The following AGAP1 variants were observed in gnomAD, a reference collection of about 807,000 sequenced individuals.
The protein encoded by AGAP1 is ArfGAP with GTPase domain, ankyrin repeat and PH domain 1, also known as arf-GAP with GTPase, ANK repeat and PH domain-containing protein 1.
Under a neutral mutation model 105.3 loss-of-function variants are expected in AGAP1, and 29 were observed. The ratio of observed to expected loss-of-function variants is 0.28; its 90% CI spans 0.21 to 0.38. The LOEUF (loss-of-function observed/expected upper bound fraction) is 0.38, where lower values mean the gene tolerates loss of function less well. Among genes scored for constraint, AGAP1 ranks in the 10% least tolerant of loss-of-function variants. The probability of loss-of-function intolerance (pLI) is 1.00; values close to 1 mark genes in which losing one functional copy is unlikely to be tolerated. For missense variants in AGAP1, 998 were observed against 1,165.1 expected, an observed-to-expected ratio of 0.86 and a Z score of 2.09; for synonymous variants, 509 against 485.9, an observed-to-expected ratio of 1.05 and a Z score of -0.63.
intron 6 of AGAP1, among the ~76,000 whole-genome samples, chr2:235,762,478 G>A (rs1020349366): frequency 5.9e-5 from 9 of 152,186 alleles, no homozygotes; most frequent in African/African-American, 9.7e-5. Context: ...TCATCGAAGC[G>A]TTGTGACGAG....
At chr2:235,928,603 C>T (rs2052567187) in intron 11 of AGAP1, among the ~76,000 whole-genome samples, 1 of 152,250 alleles carries the variant, frequency 6.6e-6, no homozygotes, top group Non-Finnish European at 1.5e-5. Context: ...GAGAGCAGGG[C>T]GGAGAAGGGA....
rs777204816 is a variant in AGAP1, at chr2:235,930,846, A to C, written c.1406A>C (p.His469Pro). 1 of 1,614,038 alleles carries C rather than the reference A, an allele frequency of 6.2e-7. No homozygotes were observed. Among genetic ancestry groups the C allele is most frequent in the Admixed American group, 1.7e-5 (1 of 60,006 alleles). Reference sequence around the variant, plus strand: ...TTCAACAGCCGACCCGACGGCATGCACCAGCGCTCCTACTCAGTCTCCAGT... The same window carrying C: ...TTCAACAGCCGACCCGACGGCATGCCCCAGCGCTCCTACTCAGTCTCCAGT... ...VSFNSRPDGM[H>P]QRSYSVSSAD... The change falls in exon 12 of 18, where the codon CAC becomes CCC. Residue 469 changes from histidine to proline, a missense_variant. His to Pro is a moderately conservative substitution (Grantham distance 77). Transcript: ENST00000304032. The surrounding 1 kb of genome is among the most constrained non-coding windows in gnomAD (Gnocchi z 7.9).
Position 235,708,874 on chromosome 2 carries a change from C to T in AGAP1, c.164-305C>T, listed in dbSNP as rs113677128. On this transcript the variant is annotated intron_variant, in intron 1 of 17. Transcript: ENST00000304032. Reference sequence around the variant, plus strand: ...ACAGTCAGGAGGGTCTGAAGATACACGCTCCACTGAAGGGCTGTGGCTTTA... The same window carrying T: ...ACAGTCAGGAGGGTCTGAAGATACATGCTCCACTGAAGGGCTGTGGCTTTA... Among the ~76,000 whole-genome samples, 562 of 152,320 alleles carry T rather than the reference C, an allele frequency of 3.7e-3. 9 individuals are homozygous for T. Among genetic ancestry groups the T allele is most frequent in the African/African-American group, 0.013 (541 of 41,572 alleles).
chr2:235,660,733 A>T lies in AGAP1; in HGVS notation c.164-48446A>T, dbSNP rs1947920203. Reference sequence around the variant, plus strand: ...GTGTGTTTAGATGGGGAATCTTGGGATGCAATAGAAACAACCTCTGTTGGT... The same window carrying T: ...GTGTGTTTAGATGGGGAATCTTGGGTTGCAATAGAAACAACCTCTGTTGGT... On this transcript the variant is annotated intron_variant, in intron 1 of 17. Coordinates refer to ENST00000304032, the MANE Select transcript of AGAP1 (RefSeq NM_001037131.3). The surrounding 1 kb of genome is among the most constrained non-coding windows in gnomAD (Gnocchi z 5.3). Among the ~76,000 whole-genome samples, 1 of 152,144 alleles carries T rather than the reference A, an allele frequency of 6.6e-6. No homozygotes were observed. Among genetic ancestry groups the T allele is most frequent in the South Asian group, 2.1e-4 (1 of 4,828 alleles).
intron 6 of AGAP1, chr2:235,774,544 T>C (rs1405374549): frequency 3.1e-6 from 1 of 326,136 alleles, no homozygotes; most frequent in Non-Finnish European, 6.2e-6. Flanking sequence ...AGGAAAGCGA[T>C]CAAGGACTGA....
chr2:236,077,136 A>AT (rs1309896544), intron 16 of AGAP1, among the ~76,000 whole-genome samples: 15 of 144,376 alleles, frequency 1.0e-4, no homozygotes, highest in African/African-American at 3.4e-4. Context: ...GAAAAAAAAA[A>AT]AAAAAAATAT....
intron 13 of AGAP1, among the ~76,000 whole-genome samples, chr2:236,006,151 C>G (rs1346164568): frequency 7.2e-6 from 1 of 139,386 alleles, no homozygotes; most frequent in Non-Finnish European, 1.7e-5. Context: ...CTGCTGTGGC[C>G]CAGATTATTC....
intron 1 of AGAP1, among the ~76,000 whole-genome samples, chr2:235,560,484 G>T (rs896379331): frequency 2.6e-5 from 4 of 152,088 alleles, no homozygotes; most frequent in African/African-American, 9.7e-5. Context: ...GGGACTTTAC[G>T]GATGTGATTA....
chr2:235,847,808 C>A (rs1252423170), intron 9 of AGAP1, among the ~76,000 whole-genome samples: 1 of 152,204 alleles, frequency 6.6e-6, no homozygotes, highest in Admixed American at 6.5e-5. Flanking sequence ...GCTCCGTTTT[C>A]CGTTTCTTGA....
chr2:235,688,116 G>A (rs1949558233), intron 1 of AGAP1, among the ~76,000 whole-genome samples: 1 of 152,024 alleles, frequency 6.6e-6, no homozygotes, highest in African/African-American at 2.4e-5. Context: ...TGGCCAGGCT[G>A]GTCTCAAAGT....
chr2:235,709,201 A>G lies in AGAP1; in HGVS notation c.186A>G (p.Glu62=), dbSNP rs1433221060. The change falls in exon 2 of 18, where the codon GAA becomes GAG. Residue 62 remains glutamate (E), a synonymous_variant. Transcript: ENST00000304032. ...AIEDAFVNSQ[E]WTLSRSVPEL... is the part of the protein sequence containing the mutation. ...CAGATGCCTTCGTGAACAGCCAGGA[A>G]TGGACGCTGAGTCGATCTGTCCCGG... 1.2e-6 allele frequency: 2 copies of G among 1,614,092 alleles called. No individual in the cohort carries two copies. The highest frequency in any genetic ancestry group is 1.7e-6 in the Non-Finnish European group (2 of 1,180,018).
At position 235,550,580 on chromosome 2, in the gene AGAP1, G is replaced by A. The variant is rs947247786; in HGVS notation, c.163+55731G>A. ...GAGTTGATGAGGGTCTGCAGGCGTC[G>A]GTCTGGGAGCCACAGACAGGTGTGT... On this transcript the variant is annotated intron_variant, in intron 1 of 17. Coordinates refer to ENST00000304032, the MANE Select transcript of AGAP1 (RefSeq NM_001037131.3). This position sits in a 1 kb window ranked among gnomAD's most constrained non-coding sequence, Gnocchi z 4.6. 1.3e-5 allele frequency among the ~76,000 whole-genome samples: 2 copies of A among 152,136 alleles called. No homozygotes were observed. The highest frequency in any genetic ancestry group is 2.1e-4 in the South Asian group (1 of 4,824).
chr2:235,686,376 A>G (rs931568231), intron 1 of AGAP1, among the ~76,000 whole-genome samples: 10 of 151,914 alleles, frequency 6.6e-5, no homozygotes, highest in South Asian at 2.1e-4. Flanking sequence ...TTGGGAAGGC[A>G]GAGCTTCTAT....
chr2:235,620,483 C>A lies in AGAP1; in HGVS notation c.164-88696C>A, dbSNP rs1946441963. Among the ~76,000 whole-genome samples, 1 of 152,178 alleles carries A rather than the reference C, an allele frequency of 6.6e-6. No individual in the cohort carries two copies. The highest frequency in any genetic ancestry group is 2.1e-4 in the South Asian group (1 of 4,826). On this transcript the variant is annotated intron_variant, in intron 1 of 17. Coordinates refer to ENST00000304032, the MANE Select transcript of AGAP1 (RefSeq NM_001037131.3). This position sits in a 1 kb window ranked among gnomAD's most constrained non-coding sequence, Gnocchi z 4.5. ...ACCAAATGCATGCTCCTGACCCTTA[C>A]ATGTCTGCACTGCTTCCTCTTTTTG...
chr2:235,587,775 A>G (rs1945169052), intron 1 of AGAP1, among the ~76,000 whole-genome samples: 1 of 151,146 alleles, frequency 6.6e-6, no homozygotes, highest in African/African-American at 2.4e-5. Flanking sequence ...AAAAGTCACA[A>G]CAACCTGTTT....
chr2:235,843,773 G>A lies in AGAP1; in HGVS notation c.1050+36442G>A, dbSNP rs1439494162. 6.6e-6 allele frequency among the ~76,000 whole-genome samples: 1 copy of A among 152,192 alleles called. No homozygotes were observed. Among genetic ancestry groups the A allele is most frequent in the Non-Finnish European group, 1.5e-5 (1 of 68,028 alleles). On this transcript the variant is annotated intron_variant, in intron 9 of 17. Transcript: ENST00000304032. This position sits in a 1 kb window ranked among gnomAD's most constrained non-coding sequence, Gnocchi z 5.9. ...CCCACTGGACTTTTCCAAGATGTCAGTGGACAGCATAGAGCTGGGGTGCCA... is the reference window on the plus strand; with the variant it reads ...CCCACTGGACTTTTCCAAGATGTCAATGGACAGCATAGAGCTGGGGTGCCA...
chr2:235,729,764 A>G lies in AGAP1; in HGVS notation c.311-11199A>G, dbSNP rs886281658. Among the ~76,000 whole-genome samples the G allele has an allele frequency of 6.6e-6, 1 of 152,152 alleles. No individual in the cohort carries two copies. Among genetic ancestry groups the G allele is most frequent in the African/African-American group, 2.4e-5 (1 of 41,400 alleles). The stretch of plus-strand genomic sequence containing the variant: ...TCTGGCAGTTAGAAGAGTAAAGTGC[A>G]TCTGTCAACAAAAGAAATACCAAAG... On this transcript the variant is annotated intron_variant, in intron 3 of 17. Transcript: ENST00000304032. The surrounding 1 kb of genome is among the most constrained non-coding windows in gnomAD (Gnocchi z 5.0).
At chr2:236,033,014 C>A (rs1968707) in intron 13 of AGAP1, among the ~76,000 whole-genome samples, 1 of 152,194 alleles carries the variant, frequency 6.6e-6, no homozygotes, top group Non-Finnish European at 1.5e-5. Flanking sequence ...GGGAGGCCAA[C>A]GTGGGCGGAT....
In AGAP1 at chr2:235,569,425, G is replaced by C. The variant is rs1465072302; in HGVS notation, c.163+74576G>C. ...TCTTCCTAGCAGCCTTCCAAAGTAG[G>C]CTTCGGGATTCAGTTTTACAGATAG... On this transcript the variant is annotated intron_variant, in intron 1 of 17. Transcript: ENST00000304032. The surrounding 1 kb of genome is among the most constrained non-coding windows in gnomAD (Gnocchi z 5.9). 4.6e-5 allele frequency among the ~76,000 whole-genome samples: 7 copies of C among 152,182 alleles called. No homozygotes were observed. Among genetic ancestry groups the C allele is most frequent in the Non-Finnish European group, 7.3e-5 (5 of 68,048 alleles).
Sources: gnomAD v4.1 joint callset for allele counts (sites outside exome capture counted in the v4.1 genomes callset) on GRCh38, gnomAD v4.1.1 for gene constraint, Gnocchi (gnomAD v3.1) non-coding constraint, MANE v1.5 for transcripts, NCBI Gene and HGNC (gene_info 2026-07-23, HGNC 2026-07-21) for gene names.